Variants in ACE observed in about 807,000 individuals in gnomAD.
ACE encodes the protein angiotensin I converting enzyme, also known as angiotensin-converting enzyme.
A neutral mutation model predicts 162.3 loss-of-function variants in ACE; 122 were observed. The observed-to-expected ratio is 0.75, with a 90% CI of 0.65 to 0.87. ACE has a LOEUF of 0.87. Ranked by LOEUF, ACE falls within the 40% of genes least tolerant of loss-of-function variation. ACE has a pLI of 0.00. For synonymous variants in ACE, 796 were observed against 720.6 expected (o/e 1.10, Z -1.68); for missense variants, 1,799 against 1,735.1 (o/e 1.04, Z -0.65).
At chr17:63,490,673 T>TGTCA (rs1363880028) in intron 17 of ACE, 1 of 480,296 alleles carries the variant, frequency 2.1e-6, no homozygotes, top group East Asian at 4.0e-5. Context: ...TGTCAGCAGT[T>TGTCA]GCTAGTCACA....
chr17:63,478,728 G>T, intron 2 of ACE: 1 of 518,946 alleles, frequency 1.9e-6, no homozygotes, highest in Non-Finnish European at 3.5e-6. Context: ...GAATGGGAGG[G>T]ATCTGCCCTC....
chr17:63,488,825 G>T (rs2030171057), intron 16 of ACE, 34 bp downstream of exon 16: 1 of 1,613,980 alleles, frequency 6.2e-7, no homozygotes, highest in East Asian at 2.2e-5. Context: ...CTGGCACTTG[G>T]GTCCCTTCAT....
Position 63,483,110 on chromosome 17 carries a change from G to T in ACE, c.1424G>T (p.Arg475Leu), listed in dbSNP as rs774394975. 5.0e-6 allele frequency: 8 copies of T among 1,614,086 alleles called. No homozygotes were observed. The highest frequency in any genetic ancestry group is 2.2e-5 in the East Asian group (1 of 44,872). The change falls in exon 9 of 25, where the codon CGC becomes CTC. Residue 475 changes from arginine (R) to leucine (L), a missense_variant. Coordinates refer to ENST00000290866, the MANE Select transcript of ACE (RefSeq NM_000789.4). The part of the protein sequence containing the change: ...LPFGYLVDQW[R>L]WGVFSGRTPP... ...TTTGGCTACTTGGTGGACCAGTGGC[G>T]CTGGGGGGTCTTTAGTGGGCGTACC...
In ACE at chr17:63,484,403, G is replaced by T. The variant is rs753055168; in HGVS notation, c.1783G>T (p.Asp595Tyr). 2 of 1,612,158 alleles carry T rather than the reference G, an allele frequency of 1.2e-6. No homozygotes were observed. Among genetic ancestry groups the T allele is most frequent in the Non-Finnish European group, 1.7e-6 (2 of 1,179,878 alleles). Residue 595 changes from aspartate (D) to tyrosine (Y), a missense_variant, in exon 12 of 25, where the codon GAT becomes TAT. Transcript: ENST00000290866. This position sits in a 1 kb window ranked among gnomAD's most constrained non-coding sequence, Gnocchi z 4.0. ...LKDMVGLDAL[D>Y]AQPLLKYFQP... ...GGACATGGTCGGCTTAGATGCCCTG[G>T]ATGCCCAGCCGCTGCTCAAGTACTT...
At position 63,497,345 on chromosome 17, in the gene ACE, G is replaced by A; in HGVS notation, c.3900G>A (p.Glu1300=). 1.3e-6 allele frequency: 2 copies of A among 1,548,590 alleles called. No homozygotes were observed. The highest frequency in any genetic ancestry group is 1.9e-4 in the Middle Eastern group (1 of 5,172). Residue 1300 remains glutamate (E), a synonymous_variant, in exon 25 of 25, where the codon GAG becomes GAA. Coordinates refer to ENST00000290866, the MANE Select transcript of ACE (RefSeq NM_000789.4). ...CCCACGGGCCCCAGTTCGGCTCCGAGGTGGAGCTGAGACACTCCTGAGGTG... is the reference window on the plus strand; with the variant it reads ...CCCACGGGCCCCAGTTCGGCTCCGAAGTGGAGCTGAGACACTCCTGAGGTG... ...RHSHGPQFGS[E]VELRHS
At chr17:63,488,025 G>A (rs142041529) in intron 15 of ACE, among the ~76,000 whole-genome samples, 4,252 of 152,162 alleles carry the variant, frequency 0.028, 211 homozygotes, top group African/African-American at 0.094. Context: ...ACTTGAGGCC[G>A]GGAGTTTGAG....
At position 63,487,051 on chromosome 17, in the gene ACE, C is replaced by T; in HGVS notation, c.2283C>T (p.Gly761=). ...YSVATVCHPN[G]SCLQLEPDLT... ...TGGCCACTGTGTGCCACCCGAATGG[C>T]AGCTGCCTGCAGCTCGAGCCAGGTG... The change falls in exon 15 of 25, where the codon GGC becomes GGT. Residue 761 remains glycine (G), a synonymous_variant. Transcript: ENST00000290866. 3.1e-6 allele frequency: 5 copies of T among 1,613,512 alleles called. No homozygotes were observed. Among genetic ancestry groups the T allele is most frequent in the Non-Finnish European group, 4.2e-6 (5 of 1,179,992 alleles).
At chr17:63,481,234 G>GGCCGGGGGGGCCC in intron 6 of ACE, 46 bp downstream of exon 6, 1 of 624,022 alleles carries the variant, frequency 1.6e-6, no homozygotes, top group Non-Finnish European at 3.0e-6. Flanking sequence ...CGGGGGTGGG[G>GGCCGGGGGGGCCC]CGCAAAAAAA....
chr17:63,497,209 C>T lies in ACE; in HGVS notation c.3764C>T (p.Ala1255Val). 6.3e-7 allele frequency: 1 copy of T among 1,598,810 alleles called. No individual in the cohort carries two copies. Among genetic ancestry groups the T allele is most frequent in the Non-Finnish European group, 8.5e-7 (1 of 1,177,018 alleles). Residue 1255 changes from alanine (A) to valine (V), a missense_variant, in exon 25 of 25, where the codon GCC becomes GTC. Transcript: ENST00000290866. ...GGCCTGGACCTGGATGCGCAGCAGG[C>T]CCGCGTGGGCCAGTGGCTGCTGCTC... ...FLGLDLDAQQ[A>V]RVGQWLLLFL...
At chr17:63,481,785 C>T (rs764262722) in intron 7 of ACE, 47 bp downstream of exon 7, 7 of 1,611,698 alleles carry the variant, frequency 4.3e-6, no homozygotes, top group Admixed American at 1.7e-5. Flanking sequence ...GGTTCTGGGG[C>T]CCGGGGAAAG....
At chr17:63,490,829 G>A in intron 17 of ACE, 125 bp from the exon 18 acceptor site, 1 of 904,288 alleles carries the variant, frequency 1.1e-6, no homozygotes, top group South Asian at 1.3e-5. Context: ...GCAAACAGTA[G>A]GTGCTCAAGA....
Position 63,477,221 on chromosome 17 carries a change from G to T in ACE, c.127G>T (p.Glu43Ter). The change falls in exon 1 of 25, where the codon GAG (glutamate) becomes TAG (stop). Residue 43 changes from glutamate (E) to a stop codon, truncating the protein, a stop_gained. Coordinates refer to ENST00000290866, the MANE Select transcript of ACE (RefSeq NM_000789.4). LOFTEE classifies it high-confidence loss of function. ...GLQPGNFSAD[E>*]AGAQLFAQSY... The stretch of plus-strand genomic sequence containing the variant: ...GCAGCCCGGCAACTTTTCTGCTGAC[G>T]AGGCCGGGGCGCAGCTCTTCGCGCA... 2 of 1,497,836 alleles carry T rather than the reference G, an allele frequency of 1.3e-6. No individual in the cohort carries two copies. Among genetic ancestry groups the T allele is most frequent in the Non-Finnish European group, 8.9e-7 (1 of 1,127,328 alleles). 92.8% of individuals were successfully genotyped at this position (1,497,836 alleles called of 1,614,324 possible).
rs961193546 is a variant in ACE, at chr17:63,484,227, A to G, written c.1710-103A>G. The G allele has an allele frequency of 7.3e-7, 1 of 1,360,824 alleles. No homozygotes were observed. Among genetic ancestry groups the G allele is most frequent in the Non-Finnish European group, 1.0e-6 (1 of 988,730 alleles). The allele number at this position is 1,360,824 out of a possible 1,614,324, so 84.3% of individuals were successfully genotyped here. A position where few individuals can be genotyped will look rare whatever the true frequency, so the allele number is the denominator to read the frequency against. On this transcript the variant is annotated intron_variant, in intron 11 of 24. Coordinates refer to ENST00000290866, the MANE Select transcript of ACE (RefSeq NM_000789.4). The surrounding 1 kb of genome is among the most constrained non-coding windows in gnomAD (Gnocchi z 4.0). ...AGGGTCTTATTGCCACAGTTTCTGC[A>G]GTCCATTGGGGGGCGGAAGTGGCCA...
chr17:63,486,899 C>A, intron 14 of ACE, 87 bp from the exon 15 acceptor site: 1 of 1,487,544 alleles, frequency 6.7e-7, no homozygotes. Context: ...TCCCCACCTG[C>A]CAGCCCATGG....
rs2029873234 is a variant in ACE at position 63,485,297 on chromosome 17, G to C, written c.1983G>C (p.Gln661His). 5.0e-6 allele frequency: 8 copies of C among 1,614,098 alleles called. No homozygotes were observed. The highest frequency in any genetic ancestry group is 6.8e-6 in the Non-Finnish European group (8 of 1,180,028). Residue 661 changes from glutamine to histidine, a missense_variant, in exon 13 of 25, where the codon CAG becomes CAC. Gln to His is a conservative substitution (Grantham distance 24, BLOSUM62 0). Coordinates refer to ENST00000290866, the MANE Select transcript of ACE (RefSeq NM_000789.4). ...KFVEEYDRTSQVVWNEYAEAN... is the reference protein window; with the variant it reads ...KFVEEYDRTSHVVWNEYAEAN... The stretch of plus-strand genomic sequence containing the variant: ...TGGAGGAATATGACCGGACATCCCA[G>C]GTGGTGTGGAACGAGTATGCCGAGG...
chr17:63,494,672 A>G (rs1245630675), intron 22 of ACE, among the ~76,000 whole-genome samples: 1 of 152,234 alleles, frequency 6.6e-6, no homozygotes. Context: ...GAGAGTCTGT[A>G]CCATCCAAAC....
rs1242624998 is a variant in ACE, at chr17:63,478,023, C to T, written c.342C>T (p.Asp114=). The change falls in exon 2 of 25, where the codon GAC becomes GAT. Residue 114 remains aspartate (D), a synonymous_variant. Coordinates refer to ENST00000290866, the MANE Select transcript of ACE (RefSeq NM_000789.4). ...AACCGATCTGGCAGAACTTCACGGA[C>T]CCGCAGCTGCGCAGGATCATCGGAG... ...LYEPIWQNFT[D]PQLRRIIGAV... 1 of 1,609,540 alleles carries T rather than the reference C, an allele frequency of 6.2e-7. No individual in the cohort carries two copies. Among genetic ancestry groups the T allele is most frequent in the Non-Finnish European group, 8.5e-7 (1 of 1,178,344 alleles).
At chr17:63,478,289 CT>C in intron 2 of ACE, 191 bp downstream of exon 2, 1 of 732,302 alleles carries the variant, frequency 1.4e-6, no homozygotes, top group Non-Finnish European at 2.2e-6. Flanking sequence ...TGGGGAGTTA[CT>C]TTCTGTTAAA....
Position 63,491,440 on chromosome 17 carries a change from C to T in ACE, c.2912+59C>T. 6.2e-7 allele frequency: 1 copy of T among 1,605,436 alleles called. No individual in the cohort carries two copies. Among genetic ancestry groups the T allele is most frequent in the Non-Finnish European group, 8.5e-7 (1 of 1,173,730 alleles). On this transcript the variant is annotated intron_variant, in intron 19 of 24. Transcript: ENST00000290866. The surrounding 1 kb of genome is among the most constrained non-coding windows in gnomAD (Gnocchi z 4.4). ...AGCCCCACGGGCAAGGGAAATGAAC[C>T]AAGCAAAGGGTCCACTACTGTCCCC...
Sources: gnomAD v4.1 joint callset for allele counts (sites outside exome capture counted in the v4.1 genomes callset) on GRCh38, gnomAD v4.1.1 for gene constraint, Gnocchi (gnomAD v3.1) non-coding constraint, MANE v1.5 for transcripts, NCBI Gene and HGNC (gene_info 2026-07-23, HGNC 2026-07-21) for gene names.